NPEPPS: variants seen among roughly 807,000 people sequenced by gnomAD.
The protein encoded by NPEPPS is puromycin-sensitive aminopeptidase.
A neutral mutation model predicts 115.5 loss-of-function variants in NPEPPS; 14 were observed. That is an observed-to-expected ratio of 0.12 (90% CI 0.08 to 0.19). NPEPPS has a LOEUF of 0.19. NPEPPS is among the 10% of genes least tolerant of loss of function. NPEPPS has a pLI of 1.00. For missense variants in NPEPPS, 523 were observed against 1,110.8 expected (o/e 0.47, Z 7.52); for synonymous variants, 285 against 390.6 (o/e 0.73, Z 3.19).
intron 15 of NPEPPS, chr17:47,601,970 G>T: frequency 2.4e-6 from 1 of 415,736 alleles, no homozygotes; most frequent in Non-Finnish European, 4.2e-6. Context: ...CTAAGGAGGA[G>T]AAGAAAAAAA....
intron 3 of NPEPPS, among the ~76,000 whole-genome samples, chr17:47,574,619 G>A (rs1173212765): frequency 1.3e-5 from 2 of 151,966 alleles, no homozygotes; most frequent in Non-Finnish European, 2.9e-5. Flanking sequence ...TTGTGACAAA[G>A]TCTCTCTGTC....
chr17:47,561,912 A>G (rs1259973032), intron 2 of NPEPPS, among the ~76,000 whole-genome samples: 5 of 152,182 alleles, frequency 3.3e-5, no homozygotes, highest in African/African-American at 2.4e-5. Context: ...ATTAGGTCCT[A>G]CTTTTGTCCA....
chr17:47,549,844 A>G (rs1404793628), intron 2 of NPEPPS, among the ~76,000 whole-genome samples: 1 of 149,570 alleles, frequency 6.7e-6, no homozygotes, highest in East Asian at 2.0e-4. Context: ...TTCCACATGT[A>G]TGTGTATATA....
rs199946088 is a variant in NPEPPS, at chr17:47,623,088, CTTTT to C, written c.*1173_*1176del. 2.4e-5 allele frequency: 6 copies of C among 253,588 alleles called. No homozygotes were observed. The highest frequency in any genetic ancestry group is 1.4e-4 in the East Asian group (1 of 7,194). The allele number at this position is 253,588 out of a possible 1,614,324, so 15.7% of individuals were successfully genotyped here. On this transcript the variant is annotated 3_prime_UTR_variant, in exon 23 of 23. Coordinates refer to ENST00000322157, the MANE Select transcript of NPEPPS (RefSeq NM_006310.4). ...TCTCATTCCCTTCTTCTTTCCCTAC[CTTTT>C]TTTTCTTTTTTTCTTAAAAAAATAT...
rs1360326319 is a variant in NPEPPS at position 47,592,561 on chromosome 17, T to C, written c.1426+16T>C. The stretch of plus-strand genomic sequence containing the variant: ...GCTGCCACAGGTAATCTCTAATAGC[T>C]TGAGATAGAAATGGAGAGAAAGTAT... On this transcript the variant is annotated intron_variant, in intron 12 of 22. Transcript: ENST00000322157. The C allele has an allele frequency of 1.6e-5, 25 of 1,580,780 alleles. No homozygotes were observed. The East Asian group carries it at 5.4e-4, about 34-fold the overall frequency.
At position 47,546,073 on chromosome 17, in the gene NPEPPS, T is replaced by TGTGTGTGTGAGAGAGA. The variant is rs148357525; in HGVS notation, c.340+81_340+82insTGTGTGTGAGAGAGAG. ...GTGTGTGTGTGTGTGTGTGTGTGTG[T>TGTGTGTGTGAGAGAGA]GAGAGAGAGAGAGAGAGAGACATTT... On this transcript the variant is annotated intron_variant, in intron 2 of 22. Coordinates refer to ENST00000322157, the MANE Select transcript of NPEPPS (RefSeq NM_006310.4). 4.0e-6 allele frequency: 5 copies of TGTGTGTGTGAGAGAGA among 1,265,642 alleles called. No homozygotes were observed. The East Asian group carries it at 9.0e-5, about 23-fold the overall frequency. 78.4% of individuals were successfully genotyped at this position (1,265,642 alleles called of 1,614,324 possible).
intron 17 of NPEPPS, among the ~76,000 whole-genome samples, chr17:47,609,799 T>C (rs1913730710): frequency 2.0e-5 from 3 of 152,210 alleles, no homozygotes; most frequent in Admixed American, 1.3e-4. Context: ...TTCTATTTTA[T>C]ATACATAGAA....
intron 1 of NPEPPS, among the ~76,000 whole-genome samples, chr17:47,536,065 C>A (rs983919506): frequency 2.6e-5 from 4 of 152,064 alleles, no homozygotes; most frequent in Admixed American, 2.0e-4. Context: ...TCTTGATCTC[C>A]TGACCTCATT....
intron 17 of NPEPPS, among the ~76,000 whole-genome samples, chr17:47,608,759 G>GA (rs1913669583): frequency 6.6e-6 from 1 of 152,028 alleles, no homozygotes; most frequent in African/African-American, 2.4e-5. Context: ...AGCCAGGAGA[G>GA]AGGGGGGGTA....
At chr17:47,568,233 G>A (rs1223600446) in intron 2 of NPEPPS, among the ~76,000 whole-genome samples, 3 of 150,158 alleles carry the variant, frequency 2.0e-5, no homozygotes, top group Non-Finnish European at 4.4e-5. Flanking sequence ...GCACAATCTC[G>A]GCTCACTGCA....
chr17:47,574,602 ATTTGT>A (rs1007112207), intron 3 of NPEPPS, among the ~76,000 whole-genome samples: 10 of 151,930 alleles, frequency 6.6e-5, no homozygotes, highest in African/African-American at 2.4e-4. Context: ...TTTGAGGTAG[ATTTGT>A]TTTGTGACAA....
chr17:47,606,207 A>G (rs1376909611), intron 17 of NPEPPS, among the ~76,000 whole-genome samples: 1 of 152,134 alleles, frequency 6.6e-6, no homozygotes, highest in Non-Finnish European at 1.5e-5. Flanking sequence ...TGAGAGACAC[A>G]GGGGTCAGCT....
At chr17:47,543,303 C>T (rs1908918131) in intron 1 of NPEPPS, among the ~76,000 whole-genome samples, 1 of 140,128 alleles carries the variant, frequency 7.1e-6, no homozygotes, top group Non-Finnish European at 1.5e-5. Context: ...AATGGACTAT[C>T]AGTAAAAAAA....
chr17:47,537,442 C>A (rs1366928731), intron 1 of NPEPPS, among the ~76,000 whole-genome samples: 2 of 151,812 alleles, frequency 1.3e-5, no homozygotes, highest in Non-Finnish European at 2.9e-5. Flanking sequence ...GCCTGTAATC[C>A]CAGCACTTTG....
chr17:47,525,864 C>T (rs1487318547), intron 1 of NPEPPS, among the ~76,000 whole-genome samples: 1 of 152,128 alleles, frequency 6.6e-6, no homozygotes, highest in African/African-American at 2.4e-5. Context: ...AATTAGGAAA[C>T]AAGCTCTTAC....
chr17:47,536,745 CTT>C (rs1167295762), intron 1 of NPEPPS, among the ~76,000 whole-genome samples: 1 of 117,160 alleles, frequency 8.5e-6, no homozygotes, highest in Non-Finnish European at 1.7e-5. Context: ...GAGTTTTGCT[CTT>C]GTTGCCCAGG....
At chr17:47,603,045 T>C (rs746653439) in intron 15 of NPEPPS, among the ~76,000 whole-genome samples, 1 of 152,218 alleles carries the variant, frequency 6.6e-6, no homozygotes, top group Non-Finnish European at 1.5e-5. Context: ...TATTTGTATC[T>C]TACTGTTTTA....
In NPEPPS at chr17:47,608,101, CA is replaced by C. The variant is rs1208107759; in HGVS notation, c.2095+2552del. Among the ~76,000 whole-genome samples the C allele has an allele frequency of 1.4e-4, 21 of 152,188 alleles. No individual in the cohort carries two copies. In the South Asian group the frequency reaches 4.4e-3, roughly 32 times the overall value. ...CAGAAATTCTCCTCCCTCAGCATCCCAAAGTGCTGGGATTGCAGCCATGAGC... is the reference window on the plus strand; with the variant it reads ...CAGAAATTCTCCTCCCTCAGCATCCCAAGTGCTGGGATTGCAGCCATGAGC... On this transcript the variant is annotated intron_variant, in intron 17 of 22. Coordinates refer to ENST00000322157, the MANE Select transcript of NPEPPS (RefSeq NM_006310.4).
chr17:47,543,757 G>T (rs1218062550), intron 1 of NPEPPS, among the ~76,000 whole-genome samples: 3 of 152,116 alleles, frequency 2.0e-5, no homozygotes, highest in African/African-American at 7.2e-5. Context: ...TAATTTGGCA[G>T]TTCTTGGTAA....
Sources: gnomAD v4.1 joint callset for allele counts (sites outside exome capture counted in the v4.1 genomes callset) on GRCh38, gnomAD v4.1.1 for gene constraint, MANE v1.5 for transcripts, NCBI Gene and HGNC (gene_info 2026-07-23, HGNC 2026-07-21) for gene names.